The following ZNF7 variants were observed in gnomAD, a reference collection of about 807,000 sequenced individuals.
The protein encoded by ZNF7 is C2-H2 type zinc finger protein.
Under a neutral mutation model 12.0 loss-of-function variants are expected in ZNF7, and 10 were observed. The ratio of observed to expected loss-of-function variants is 0.83; its 90% confidence interval spans 0.51 to 1.42. The LOEUF is 1.42. Ranked by LOEUF, ZNF7 falls within the 40% of genes most tolerant of loss-of-function variation. ZNF7 has a pLI of 0.00. For missense variants in ZNF7, 854 were observed against 837.2 expected, an observed-to-expected ratio of 1.02 and a Z score of -0.25; for synonymous variants, 334 against 295.0, an observed-to-expected ratio of 1.13 and a Z score of -1.35.
chr8:144,846,314 G>C, downstream of ZNF7: 1 of 851,326 alleles, frequency 1.2e-6, no homozygotes, highest in Non-Finnish European at 1.7e-6. Context: ...CCTAAGTCAG[G>C]GGCTGGCAAA....
chr8:144,828,659 C>T, intron 1 of ZNF7: 1 of 233,494 alleles, frequency 4.3e-6, no homozygotes, highest in Non-Finnish European at 8.7e-6. Context: ...TTCATAGTTC[C>T]CTGTACTTGA....
chr8:144,845,531 A>G (rs903167516), downstream of ZNF7, among the ~76,000 whole-genome samples: 11 of 152,042 alleles, frequency 7.2e-5, no homozygotes, highest in African/African-American at 2.7e-4. Context: ...CTGAAATTGA[A>G]TTTTCACGTG....
intron 4 of ZNF7, among the ~76,000 whole-genome samples, chr8:144,839,899 C>T (rs1829642049): frequency 6.6e-6 from 1 of 152,210 alleles, no homozygotes; most frequent in South Asian, 2.1e-4. Flanking sequence ...CCCAACAAAG[C>T]CTTGCTGTCA....
rs1829984441 is a variant in ZNF7, at chr8:144,841,978, T to C, written c.871T>C (p.Ser291Pro). Residue 291 changes from serine to proline, a missense_variant, in exon 5 of 5, where the codon TCA (serine) becomes CCA (proline). Physicochemically the swap from Ser to Pro is moderately conservative, Grantham distance 74. Transcript: ENST00000532777. Reference protein sequence around the residue: ...TECGKAFRLSSKLIQHQRIHT... With the variant: ...TECGKAFRLSPKLIQHQRIHT... ...GTGTGGAAAAGCCTTCCGCCTGAGC[T>C]CAAAACTTATTCAGCATCAAAGAAT... 6.2e-7 allele frequency: 1 copy of C among 1,614,032 alleles called. No homozygotes were observed.
rs1482094330 is a variant in ZNF7 at position 144,841,356 on chromosome 8, T to G, written c.249T>G (p.Asp83Glu). 2 of 1,597,410 alleles carry G rather than the reference T, an allele frequency of 1.3e-6. No individual in the cohort carries two copies. The highest frequency in any genetic ancestry group is 4.5e-5 in the East Asian group (2 of 44,506). Reference protein sequence around the residue: ...GTEAPRTSKTDSTIRTENEQA... With the variant: ...GTEAPRTSKTESTIRTENEQA... ...CGTCTTTGTTCCTGTTTATTTCAGA[T>G]TCTACGATTAGGACTGAAAATGAGC... is the stretch of plus-strand genomic sequence containing the variant. Residue 83 changes from aspartate (D) to glutamate (E), a missense_variant and splice_region_variant, in exon 5 of 5, where the codon GAT becomes GAG. Coordinates refer to ENST00000532777, the MANE Select transcript of ZNF7 (RefSeq NM_003416.4).
Position 144,829,475 on chromosome 8 carries a change from C to A in ZNF7, c.4-3C>A. On this transcript the variant is annotated splice_region_variant and splice_polypyrimidine_tract_variant and intron_variant, in intron 2 of 4. Coordinates refer to ENST00000532777, the MANE Select transcript of ZNF7 (RefSeq NM_003416.4). ...CCTGGGGTGCTGGTGTGTGTCCTTTCAGGAGGTGGTAACATTTGGCGATGT... is the reference window on the plus strand; with the variant it reads ...CCTGGGGTGCTGGTGTGTGTCCTTTAAGGAGGTGGTAACATTTGGCGATGT... 1 of 1,614,074 alleles carries A rather than the reference C, an allele frequency of 6.2e-7. No homozygotes were observed. Among genetic ancestry groups the A allele is most frequent in the Non-Finnish European group, 8.5e-7 (1 of 1,179,994 alleles).
chr8:144,842,845 C>T lies in ZNF7; in HGVS notation c.1738C>T (p.Pro580Ser). 6.2e-7 allele frequency: 1 copy of T among 1,614,192 alleles called. No individual in the cohort carries two copies. The highest frequency in any genetic ancestry group is 8.5e-7 in the Non-Finnish European group (1 of 1,180,038). ...QHQIIHAGVK[P>S]YECSECGKAF... ...CCAGATAATTCATGCAGGGGTGAAG[C>T]CCTATGAGTGCAGTGAGTGTGGAAA... The change falls in exon 5 of 5, where the codon CCC (proline) becomes TCC (serine). Residue 580 changes from proline (P) to serine (S), a missense_variant. By Grantham distance (74) the Pro-to-Ser change is moderately conservative. Transcript: ENST00000532777.
downstream of ZNF7, among the ~76,000 whole-genome samples, chr8:144,844,894 G>C (rs975882512): frequency 2.6e-5 from 4 of 151,670 alleles, no homozygotes; most frequent in South Asian, 8.3e-4. Context: ...GGTGGAGAGG[G>C]AGTGGGGAAA....
At chr8:144,830,620 T>G (rs968935875) in intron 3 of ZNF7, among the ~76,000 whole-genome samples, 1 of 152,246 alleles carries the variant, frequency 6.6e-6, no homozygotes, top group African/African-American at 2.4e-5. Context: ...CACGCATTTT[T>G]TAATCATTTA....
At position 144,841,874 on chromosome 8, in the gene ZNF7, G is replaced by A. The variant is rs759431598; in HGVS notation, c.767G>A (p.Gly256Glu). 2 of 1,613,966 alleles carry A rather than the reference G, an allele frequency of 1.2e-6. No homozygotes were observed. Among genetic ancestry groups the A allele is most frequent in the Non-Finnish European group, 1.7e-6 (2 of 1,179,994 alleles). The change falls in exon 5 of 5, where the codon GGG (glycine) becomes GAG (glutamate). Residue 256 changes from glycine (G) to glutamate (E), a missense_variant. Transcript: ENST00000532777. Reference protein sequence around the residue: ...GEKPYECAECGKVFRLCSQLN... With the variant: ...GEKPYECAECEKVFRLCSQLN... ...AAGCCGTACGAATGTGCAGAGTGTG[G>A]GAAAGTCTTCAGGCTCTGCTCGCAG... is the stretch of plus-strand genomic sequence containing the variant.
At position 144,842,816 on chromosome 8, in the gene ZNF7, A is replaced by G. The variant is rs1287711247; in HGVS notation, c.1709A>G (p.Gln570Arg). 5.6e-6 allele frequency: 9 copies of G among 1,614,236 alleles called. No individual in the cohort carries two copies. Among genetic ancestry groups the G allele is most frequent in the Non-Finnish European group, 7.6e-6 (9 of 1,180,040 alleles). Residue 570 changes from glutamine to arginine, a missense_variant, in exon 5 of 5, where the codon CAA (glutamine) becomes CGA (arginine). Transcript: ENST00000532777. Reference protein sequence around the residue: ...KAFSQNSTLFQHQIIHAGVKP... With the variant: ...KAFSQNSTLFRHQIIHAGVKP... ...TTCAGTCAAAACTCAACCCTTTTCC[A>G]ACACCAGATAATTCATGCAGGGGTG...
Position 144,843,500 on chromosome 8 carries a change from A to C in ZNF7, c.*332A>C. ...CTGCTCGGGAGGCTGAGGCAGGAGA[A>C]TGGCATCAGCCCAGGAGGCGGAGCT... is the stretch of plus-strand genomic sequence containing the variant. On this transcript the variant is annotated 3_prime_UTR_variant, in exon 5 of 5. Transcript: ENST00000532777. The C allele has an allele frequency of 5.7e-6, 1 of 176,644 alleles. No individual in the cohort carries two copies. The allele number at this position is 176,644 out of a possible 1,614,324, so 10.9% of individuals were successfully genotyped here.
chr8:144,844,721 A>AC (rs930148066), downstream of ZNF7, among the ~76,000 whole-genome samples: 13 of 57,892 alleles, frequency 2.2e-4, no homozygotes, highest in African/African-American at 8.1e-4. Context: ...AAAAAAAAAA[A>AC]AAAAAAAAAA....
In ZNF7 at chr8:144,841,612, C is replaced by A. The variant is rs368105854; in HGVS notation, c.505C>A (p.Gln169Lys). Reference protein sequence around the residue: ...VPKTFTKDAPQGCKELGSSGL... With the variant: ...VPKTFTKDAPKGCKELGSSGL... Reference sequence around the variant, plus strand: ...CAAGACCTTCACCAAGGACGCACCCCAGGGATGTAAGGAGCTGGGAAGCAG... The same window carrying A: ...CAAGACCTTCACCAAGGACGCACCCAAGGGATGTAAGGAGCTGGGAAGCAG... Residue 169 changes from glutamine (Q) to lysine (K), a missense_variant, in exon 5 of 5, where the codon CAG (glutamine) becomes AAG (lysine). Physicochemically the swap from Gln to Lys is moderately conservative, Grantham distance 53. Transcript: ENST00000532777. 1 of 1,614,194 alleles carries A rather than the reference C, an allele frequency of 6.2e-7. No individual in the cohort carries two copies. The highest frequency in any genetic ancestry group is 8.5e-7 in the Non-Finnish European group (1 of 1,180,044).
At chr8:144,840,453 C>T (rs888605564) in intron 4 of ZNF7, among the ~76,000 whole-genome samples, 3 of 152,020 alleles carry the variant, frequency 2.0e-5, no homozygotes, top group East Asian at 3.9e-4. Flanking sequence ...GCTGTGGCTG[C>T]GTGGTTGTGG....
chr8:144,829,622 G>C lies in ZNF7; in HGVS notation c.130+18G>C. On this transcript the variant is annotated intron_variant, in intron 3 of 4. Transcript: ENST00000532777. ...TGGACTAGGTGAGGCTGCACCTTGG[G>C]GCCCCTTCCCCTGCATCATCAGTCA... The C allele has an allele frequency of 6.3e-7, 1 of 1,593,756 alleles. No homozygotes were observed. The highest frequency in any genetic ancestry group is 1.1e-5 in the South Asian group (1 of 89,652).
At chr8:144,827,779 C>G (rs1735426) in intron 1 of ZNF7, 170 bp downstream of exon 1, 1 of 758,144 alleles carries the variant, frequency 1.3e-6, no homozygotes, top group Non-Finnish European at 1.6e-6. Flanking sequence ...GGGAGGTGGT[C>G]GAGCCCAGCC....
At position 144,837,967 on chromosome 8, in the gene ZNF7, G is replaced by C. The variant is rs1829236391; in HGVS notation, c.247+460G>C. 4.5e-6 allele frequency: 3 copies of C among 670,044 alleles called. No individual in the cohort carries two copies. The African/African-American group carries it at 5.3e-5, about 12-fold the overall frequency. The allele number at this position is 670,044 out of a possible 1,614,324, so 41.5% of individuals were successfully genotyped here. ...GTGGCTGCCATAACAATGAACCACA[G>C]ACTAGGAAGCTTAAAACAACAGAAA... On this transcript the variant is annotated intron_variant, in intron 4 of 4. Transcript: ENST00000532777.
Position 144,837,618 on chromosome 8 carries a change from C to T in ZNF7, c.247+111C>T, listed in dbSNP as rs1829175061. 4.2e-6 allele frequency: 3 copies of T among 718,240 alleles called. No individual in the cohort carries two copies. The Admixed American group carries it at 8.3e-5, about 20-fold the overall frequency. 44.5% of individuals were successfully genotyped at this position (718,240 alleles called of 1,614,324 possible). A position where few individuals can be genotyped will look rare whatever the true frequency, so the allele number is the denominator to read the frequency against. Reference sequence around the variant, plus strand: ...AGTCGCGGGGGCTACACTGGGATGCCTGGGAATGCTACTGGGGAAGCAGCA... The same window carrying T: ...AGTCGCGGGGGCTACACTGGGATGCTTGGGAATGCTACTGGGGAAGCAGCA... On this transcript the variant is annotated intron_variant, in intron 4 of 4. Coordinates refer to ENST00000532777, the MANE Select transcript of ZNF7 (RefSeq NM_003416.4).
Sources: gnomAD v4.1 joint callset for allele counts (sites outside exome capture counted in the v4.1 genomes callset) on GRCh38, gnomAD v4.1.1 for gene constraint, MANE v1.5 for transcripts, NCBI Gene and HGNC (gene_info 2026-07-23, HGNC 2026-07-21) for gene names.